PCNT: variants seen among roughly 807,000 people sequenced by gnomAD.
PCNT encodes the protein kendrin.
PCNT carries 319 observed loss-of-function variants against 380.4 expected under a neutral mutation model. The ratio of observed to expected loss-of-function variants is 0.84; its 90% confidence interval spans 0.77 to 0.92. PCNT has a LOEUF of 0.92. Ranked by LOEUF, PCNT falls within the 40% of genes least tolerant of loss-of-function variation. The pLI, the probability that PCNT is intolerant of heterozygous loss-of-function variation, is 0.00. For missense variants in PCNT, 4,400 were observed against 4,255.3 expected, an observed-to-expected ratio of 1.03 and a Z score of -0.95; for synonymous variants, 1,845 against 1,735.2, an observed-to-expected ratio of 1.06 and a Z score of -1.57.
Position 46,363,889 on chromosome 21 carries a change from A to G in PCNT, c.2564A>G (p.His855Arg). Reference sequence around the variant, plus strand: ...CAGGACGGGGAGCTTGCTGCGCTCCACGTGAAGGAAGACTGCGCCCTGCAG... The same window carrying G: ...CAGGACGGGGAGCTTGCTGCGCTCCGCGTGAAGGAAGACTGCGCCCTGCAG... ...TAQDGELAAL[H>R]VKEDCALQLM... Residue 855 changes from histidine to arginine, a missense_variant, in exon 14 of 47, where the codon CAC becomes CGC. Transcript: ENST00000359568. The G allele has an allele frequency of 6.2e-7, 1 of 1,611,920 alleles. No individual in the cohort carries two copies. Among genetic ancestry groups the G allele is most frequent in the Non-Finnish European group, 8.5e-7 (1 of 1,179,584 alleles).
intron 2 of PCNT, among the ~76,000 whole-genome samples, chr21:46,332,084 C>T (rs1038520718): frequency 2.6e-5 from 4 of 152,132 alleles, no homozygotes; most frequent in African/African-American, 7.2e-5. Flanking sequence ...CACTTGAACC[C>T]GGGAGGCAGA....
At chr21:46,444,578 G>A (rs743348) in intron 45 of PCNT, 116 bp from the exon 46 acceptor site, 16,233 of 1,108,242 alleles carry the variant, frequency 0.015, 170 homozygotes, top group Non-Finnish European at 0.018. Context: ...ATCCCCACGG[G>A]TCTGGTTGGC....
chr21:46,388,822 G>C lies in PCNT; in HGVS notation c.3545G>C (p.Arg1182Pro). The C allele has an allele frequency of 6.2e-7, 1 of 1,612,928 alleles. No homozygotes were observed. The highest frequency in any genetic ancestry group is 8.5e-7 in the Non-Finnish European group (1 of 1,179,964). The change falls in exon 18 of 47, where the codon CGG becomes CCG. Residue 1182 changes from arginine to proline, a missense_variant. Transcript: ENST00000359568. This position sits in a 1 kb window ranked among gnomAD's most constrained non-coding sequence, Gnocchi z 4.2. Reference sequence around the variant, plus strand: ...AGGGCAGCCGTCACCCTGAGGAGCCGGATCGGGGAGCGCGTGGGGCTCTGC... The same window carrying C: ...AGGGCAGCCGTCACCCTGAGGAGCCCGATCGGGGAGCGCGTGGGGCTCTGC... ...TLRAAVTLRS[R>P]IGERVGLCLD...
intron 3 of PCNT, among the ~76,000 whole-genome samples, chr21:46,340,451 C>G (rs2146454804): frequency 6.6e-6 from 1 of 152,348 alleles, no homozygotes; most frequent in Admixed American, 6.5e-5. Flanking sequence ...TTTTCTAAAC[C>G]TCTGTTCATC....
chr21:46,444,617 TCA>T, intron 45 of PCNT, 75 bp from the exon 46 acceptor site: 1 of 1,532,964 alleles, frequency 6.5e-7, no homozygotes, highest in Non-Finnish European at 8.9e-7. Context: ...CTGCACTCAG[TCA>T]CCATGGCTCC....
At chr21:46,347,145 T>G in intron 5 of PCNT, 147 bp downstream of exon 5, 3 of 1,061,016 alleles carry the variant, frequency 2.8e-6, no homozygotes, top group Non-Finnish European at 4.0e-6. Context: ...TCTGGCACCA[T>G]GAGAGGGGTG....
intron 21 of PCNT, among the ~76,000 whole-genome samples, chr21:46,393,646 C>T (rs1186623532): frequency 6.6e-6 from 1 of 152,230 alleles, no homozygotes; most frequent in African/African-American, 2.4e-5. Context: ...GTGTGGCCTG[C>T]ATTCTGTTGA....
Position 46,402,635 on chromosome 21 carries a change from CT to C in PCNT, c.5115+153del, listed in dbSNP as rs1380096106. On this transcript the variant is annotated intron_variant, in intron 27 of 46. Transcript: ENST00000359568. ...CAGACAGTGCAGAGAGCGCCCGATT[CT>C]GCCTGGGGACATGTGCATGGAAGCA... The C allele has an allele frequency of 6.4e-6, 5 of 775,208 alleles. No homozygotes were observed. The African/African-American group carries it at 8.6e-5, about 13-fold the overall frequency. The allele number at this position is 775,208 out of a possible 1,614,324, so 48.0% of individuals were successfully genotyped here.
chr21:46,444,517 G>T (rs139663705), intron 45 of PCNT, among the ~76,000 whole-genome samples, 177 bp from the exon 46 acceptor site: 86 of 152,294 alleles, frequency 5.6e-4, no homozygotes, highest in African/African-American at 1.9e-3. Flanking sequence ...AAAGCACTCT[G>T]TGACACTTTT....
rs7277175 is a variant in PCNT at position 46,422,027 on chromosome 21, A to G, written c.7082A>G (p.Gln2361Arg). Residue 2361 changes from glutamine to arginine, a missense_variant, in exon 32 of 47, where the codon CAA becomes CGA. Coordinates refer to ENST00000359568, the MANE Select transcript of PCNT (RefSeq NM_006031.6). The part of the protein sequence containing the change: ...LSPGSGGPEA[Q>R]TAGPVTPASI... ...CCGGGGTCAGGAGGCCCTGAGGCTC[A>G]AACTGCTGGTCCTGTGACCCCTGCT... 146,381 of 1,613,746 alleles carry G rather than the reference A, an allele frequency of 0.091. 12,117 individuals carry two copies. Among genetic ancestry groups the G allele is most frequent in the African/African-American group, 0.44 (33,289 of 74,938 alleles).
At chr21:46,329,693 A>G (rs2083495587) in intron 2 of PCNT, among the ~76,000 whole-genome samples, 1 of 152,196 alleles carries the variant, frequency 6.6e-6, no homozygotes, top group African/African-American at 2.4e-5. Flanking sequence ...ATGTGAGGAG[A>G]GGTCTGCTTT....
At chr21:46,409,872 A>C (rs537216673) in intron 27 of PCNT, among the ~76,000 whole-genome samples, 7 of 152,090 alleles carry the variant, frequency 4.6e-5, no homozygotes, top group African/African-American at 1.7e-4. Flanking sequence ...GGGGTTACAG[A>C]CGTGAGCCAC....
rs376166347 is a variant in PCNT, at chr21:46,326,466, G to C, written c.144G>C (p.Ala48=). 3 of 1,614,132 alleles carry C rather than the reference G, an allele frequency of 1.9e-6. No homozygotes were observed. In the African/African-American group the frequency reaches 4.0e-5, roughly 22 times the overall value. Residue 48 remains alanine, a synonymous_variant, in exon 2 of 47, where the codon GCG becomes GCC. Coordinates refer to ENST00000359568, the MANE Select transcript of PCNT (RefSeq NM_006031.6). ...AGAGGAAGGGCTCGGCTGTCGATGC[G>C]TCTGTCCAGGAGGAGAGTCCGGTAA... ...TAKRKGSAVD[A]SVQEESPVTK...
chr21:46,430,901 C>A, intron 37 of PCNT: 2 of 985,422 alleles, frequency 2.0e-6, no homozygotes, highest in Non-Finnish European at 2.4e-6. Flanking sequence ...GAGCCCCCCC[C>A]CGTCCCTGAG....
chr21:46,393,521 CAGCCG>C (rs985986373), intron 21 of PCNT, among the ~76,000 whole-genome samples: 3 of 152,162 alleles, frequency 2.0e-5, no homozygotes, highest in Admixed American at 2.0e-4. Flanking sequence ...CGCGCCCAGC[CAGCCG>C]GCGCTGGGCC....
chr21:46,370,199 C>T (rs376776364), intron 15 of PCNT, among the ~76,000 whole-genome samples: 1 of 141,168 alleles, frequency 7.1e-6, no homozygotes, highest in African/African-American at 2.9e-5. Flanking sequence ...ACCTGGCCAG[C>T]GAGGCAGCTG....
intron 2 of PCNT, among the ~76,000 whole-genome samples, chr21:46,331,893 C>T (rs1016624151): frequency 3.3e-5 from 5 of 152,240 alleles, no homozygotes; most frequent in African/African-American, 1.2e-4. Flanking sequence ...GACGCATTGG[C>T]TCATGCCTGT....
chr21:46,430,875 A>G, intron 37 of PCNT: 1 of 985,386 alleles, frequency 1.0e-6, no homozygotes, highest in Non-Finnish European at 1.2e-6. Flanking sequence ...CCGTGGTGGC[A>G]CGATACCCCT....
chr21:46,402,508 C>T (rs535319942), intron 27 of PCNT, 25 bp downstream of exon 27: 76 of 1,613,104 alleles, frequency 4.7e-5, no homozygotes, highest in Non-Finnish European at 5.3e-5. Flanking sequence ...GTCCACGTGA[C>T]GCCCGAGTTC....
Sources: allele counts gnomAD v4.1 joint callset (sites outside exome capture counted in the v4.1 genomes callset), GRCh38; gene constraint gnomAD v4.1.1; non-coding constraint Gnocchi (gnomAD v3.1); transcripts MANE v1.5; gene names NCBI Gene and HGNC (gene_info 2026-07-23, HGNC 2026-07-21).